TRPM3: variants seen among roughly 807,000 people sequenced by gnomAD.
TRPM3 encodes transient receptor potential cation channel subfamily M member 3, also known as long transient receptor potential channel 3.
A neutral mutation model predicts 181.2 loss-of-function variants in TRPM3; 77 were observed. The observed-to-expected ratio is 0.42, with a 90% CI of 0.35 to 0.51. The LOEUF is 0.51. Among genes scored for constraint, TRPM3 ranks in the 20% least tolerant of loss-of-function variants. The pLI is 0.01. For synonymous variants in TRPM3, 745 were observed against 796.4 expected (o/e 0.94, Z 1.09); for missense variants, 1,759 against 2,196.7 (o/e 0.80, Z 3.98).
intron 22 of TRPM3, among the ~76,000 whole-genome samples, chr9:70,582,068 A>C (rs2055931744): frequency 6.6e-6 from 1 of 151,906 alleles, no homozygotes; most frequent in Non-Finnish European, 1.5e-5. Context: ...TCTTGAATGC[A>C]GCTGGAATTT....
chr9:70,655,586 T>C (rs1210091600), intron 9 of TRPM3, among the ~76,000 whole-genome samples: 2 of 152,174 alleles, frequency 1.3e-5, no homozygotes, highest in Non-Finnish European at 2.9e-5. Context: ...ATAGGATCTT[T>C]GTGTGCGTGA....
rs138148742 is a variant in TRPM3, at chr9:70,622,495, G to A, written c.1810-1222C>T. Among the ~76,000 whole-genome samples, 88 of 152,334 alleles carry A rather than the reference G, an allele frequency of 5.8e-4. 2 individuals carry two copies. In the Middle Eastern group the frequency reaches 0.017, roughly 29 times the overall value. On this transcript the variant is annotated intron_variant, in intron 14 of 25. Transcript: ENST00000677713. Reference sequence around the variant, plus strand: ...TGCTGCTGCACATCAGGGCAAGGGCGAGTGGGGCCAGAGGGCCTGTGCTGA... The same window carrying A: ...TGCTGCTGCACATCAGGGCAAGGGCAAGTGGGGCCAGAGGGCCTGTGCTGA...
intron 7 of TRPM3, among the ~76,000 whole-genome samples, chr9:70,777,707 T>A (rs947563554): frequency 1.3e-5 from 2 of 152,168 alleles, no homozygotes; most frequent in African/African-American, 4.8e-5. Flanking sequence ...AATTATTTGT[T>A]AGTATACTAG....
At chr9:70,972,197 T>A (rs1050204453) in intron 1 of TRPM3, among the ~76,000 whole-genome samples, 13 of 152,334 alleles carry the variant, frequency 8.5e-5, no homozygotes, top group African/African-American at 3.1e-4. Flanking sequence ...TGTCACTTGA[T>A]ATGGTATACA....
At chr9:70,550,324 G>A (rs146442301) in intron 24 of TRPM3, among the ~76,000 whole-genome samples, 1 of 152,294 alleles carries the variant, frequency 6.6e-6, no homozygotes, top group East Asian at 1.9e-4. Flanking sequence ...TGAATGTGAT[G>A]ACTGGAGGTG....
chr9:71,215,033 C>CAAA lies in TRPM3; in HGVS notation c.183+231617_183+231619dup, dbSNP rs67349189. Reference sequence around the variant, plus strand: ...CTGTTCACTCTGCCTCACCAAAAAACAAAAAAAAAAAAACAAAAAAAAAAA... The same window carrying CAAA: ...CTGTTCACTCTGCCTCACCAAAAAACAAAAAAAAAAAAAAAACAAAAAAAAAAA... On this transcript the variant is annotated intron_variant, in intron 1 of 24. Coordinates refer to the TRPM3 transcript ENST00000357533. Among the ~76,000 whole-genome samples, 135 of 105,772 alleles carry CAAA rather than the reference C, an allele frequency of 1.3e-3. 4 individuals are homozygous for CAAA. The highest frequency in any genetic ancestry group is 2.9e-3 in the East Asian group (11 of 3,774). The allele number at this position is 105,772 out of a possible 152,430, so 69.4% of individuals were successfully genotyped here.
At chr9:71,198,109 C>A (rs1201379826) in intron 1 of TRPM3, among the ~76,000 whole-genome samples, 3 of 149,282 alleles carry the variant, frequency 2.0e-5, no homozygotes, top group African/African-American at 7.4e-5. Flanking sequence ...GTCTTCCCAG[C>A]ACCATTTATT....
intron 1 of TRPM3, among the ~76,000 whole-genome samples, chr9:70,865,048 G>T (rs1044894251): frequency 3.4e-5 from 5 of 147,160 alleles, no homozygotes; most frequent in Middle Eastern, 7.0e-3. Flanking sequence ...AGGGGGGTTG[G>T]GGGGGGGGAG....
At chr9:71,141,430 T>C (rs2075093972) in intron 1 of TRPM3, among the ~76,000 whole-genome samples, 1 of 152,222 alleles carries the variant, frequency 6.6e-6, no homozygotes, top group South Asian at 2.1e-4. Context: ...TAACAAGCCA[T>C]GGATGTAACT....
intron 1 of TRPM3, among the ~76,000 whole-genome samples, chr9:70,981,557 T>A (rs1554789496): frequency 6.6e-6 from 1 of 152,152 alleles, no homozygotes; most frequent in Non-Finnish European, 1.5e-5. Flanking sequence ...TAGTCCTGGC[T>A]CCATCACTTT....
intron 1 of TRPM3, among the ~76,000 whole-genome samples, chr9:71,009,419 A>C (rs1489301946): frequency 2.0e-5 from 3 of 152,220 alleles, no homozygotes; most frequent in Non-Finnish European, 4.4e-5. Flanking sequence ...ATCAACATAA[A>C]AATCATTAAA....
chr9:71,290,392 T>C (rs1278902824), intron 1 of TRPM3, among the ~76,000 whole-genome samples: 1 of 152,116 alleles, frequency 6.6e-6, no homozygotes, highest in East Asian at 1.9e-4. Flanking sequence ...TTGATTTCTG[T>C]TTGCAATACT....
intron 1 of TRPM3, among the ~76,000 whole-genome samples, chr9:71,420,773 GAGAAAGAGAGAGAA>G (rs2093730923): frequency 1.1e-5 from 1 of 94,362 alleles, no homozygotes; most frequent in Non-Finnish European, 2.2e-5. Context: ...GAGAAAGAGA[GAGAAAGAGAGAGAA>G]AGAGAGAGAA....
In TRPM3 at chr9:71,338,675, C is replaced by CA. The variant is rs142305654; in HGVS notation, c.183+107977dup. On this transcript the variant is annotated intron_variant, in intron 1 of 24. Coordinates refer to the TRPM3 transcript ENST00000357533. ...CTGAAATAAAACATGTAACTAGCTG[C>CA]AAAAAAAAGCCTTTGACAAGATTTA... is the stretch of plus-strand genomic sequence containing the variant. Among the ~76,000 whole-genome samples the CA allele has an allele frequency of 6.9e-3, 1,044 of 151,138 alleles. 15 individuals carry two copies. Among genetic ancestry groups the CA allele is most frequent in the African/African-American group, 0.024 (993 of 41,224 alleles).
chr9:71,285,363 C>T (rs1486865829), intron 1 of TRPM3, among the ~76,000 whole-genome samples: 3 of 152,178 alleles, frequency 2.0e-5, no homozygotes, highest in Non-Finnish European at 4.4e-5. Context: ...AAGAGATGGC[C>T]TTTGCCTCTT....
chr9:70,606,604 A>ATTATC (rs1185692296), intron 19 of TRPM3, among the ~76,000 whole-genome samples: 1 of 150,412 alleles, frequency 6.6e-6, no homozygotes, highest in Non-Finnish European at 1.5e-5. Flanking sequence ...CTTGCTGTAG[A>ATTATC]TTATCTTGAC....
At chr9:70,783,815 G>A in intron 7 of TRPM3, 1 of 1,042,724 alleles carries the variant, frequency 9.6e-7, no homozygotes, top group African/African-American at 1.7e-5. Flanking sequence ...AGGAGGAGAA[G>A]GAGATACGAA....
intron 1 of TRPM3, among the ~76,000 whole-genome samples, chr9:70,873,260 G>A (rs912572422): frequency 2.0e-5 from 3 of 151,844 alleles, no homozygotes; most frequent in Non-Finnish European, 4.4e-5. Flanking sequence ...TAGGGTTGCC[G>A]TTGGCCTACA....
chr9:71,277,527 G>A (rs1174339971), intron 1 of TRPM3, among the ~76,000 whole-genome samples: 1 of 152,000 alleles, frequency 6.6e-6, no homozygotes, highest in East Asian at 1.9e-4. Flanking sequence ...CAAATCAAAG[G>A]AGTCTAATTT....
Sources: allele counts gnomAD v4.1 joint callset (sites outside exome capture counted in the v4.1 genomes callset), GRCh38; gene constraint gnomAD v4.1.1; transcripts MANE v1.5; gene names NCBI Gene and HGNC (gene_info 2026-07-23, HGNC 2026-07-21).